GALNT13: variants seen among roughly 807,000 people sequenced by gnomAD.
GALNT13 encodes the protein polypeptide N-acetylgalactosaminyltransferase 13.
In GALNT13, 28 loss-of-function variants were observed where a neutral mutation model predicts 64.2. The ratio of observed to expected loss-of-function variants is 0.44; its 90% confidence interval spans 0.32 to 0.60. The LOEUF is 0.60. Among genes scored for constraint, GALNT13 ranks in the 20% least tolerant of loss-of-function variants. GALNT13 has a pLI of 0.05. For missense variants in GALNT13, 577 were observed against 669.8 expected, an observed-to-expected ratio of 0.86 and a Z score of 1.53; for synonymous variants, 214 against 224.6, an observed-to-expected ratio of 0.95 and a Z score of 0.42.
At chr2:154,228,159 T>C (rs1688726090) in intron 4 of GALNT13, among the ~76,000 whole-genome samples, 1 of 152,118 alleles carries the variant, frequency 6.6e-6, no homozygotes, top group South Asian at 2.1e-4. Context: ...AAGAACAGTT[T>C]TTATATTTCA....
the GALNT13 span, among the ~76,000 whole-genome samples, chr2:153,456,576 A>G: frequency 6.6e-6 from 1 of 152,190 alleles, no homozygotes; most frequent in South Asian, 2.1e-4. Context: ...CTTCAGAAGA[A>G]CACCTAGTAC....
chr2:153,889,887 G>A (rs555897348), intron 1 of GALNT13, among the ~76,000 whole-genome samples: 54 of 151,952 alleles, frequency 3.6e-4, no homozygotes, highest in Non-Finnish European at 7.9e-4. Context: ...CATGCTCATG[G>A]CATGCAATTA....
chr2:153,127,510 A>G, the GALNT13 span, among the ~76,000 whole-genome samples: 1 of 150,822 alleles, frequency 6.6e-6, no homozygotes, highest in Non-Finnish European at 1.5e-5. Flanking sequence ...ATTCATGGAC[A>G]TCTTGATACC....
chr2:153,612,997 T>C, the GALNT13 span, among the ~76,000 whole-genome samples: 1 of 152,098 alleles, frequency 6.6e-6, no homozygotes, highest in African/African-American at 2.4e-5. Context: ...GGCCTCACTT[T>C]GTTAAGCTGC....
the GALNT13 span, among the ~76,000 whole-genome samples, chr2:153,097,405 G>A: frequency 6.6e-6 from 1 of 152,216 alleles, no homozygotes; most frequent in Middle Eastern, 3.4e-3. Context: ...TGGGATGATT[G>A]ATGGAGCTTT....
chr2:153,791,838 T>G, the GALNT13 span, among the ~76,000 whole-genome samples: 1 of 152,060 alleles, frequency 6.6e-6, no homozygotes, highest in Non-Finnish European at 1.5e-5. Flanking sequence ...AAACCAAATA[T>G]CACATGTTCT....
the GALNT13 span, among the ~76,000 whole-genome samples, chr2:153,154,411 T>C: frequency 6.6e-6 from 1 of 152,142 alleles, no homozygotes; most frequent in African/African-American, 2.4e-5. Context: ...TCTTTATAAA[T>C]TACTCAGTCT....
At chr2:153,261,805 T>C in the GALNT13 span, among the ~76,000 whole-genome samples, 1 of 151,936 alleles carries the variant, frequency 6.6e-6, no homozygotes, top group Non-Finnish European at 1.5e-5. Context: ...GCCTCCCTTT[T>C]CCTCAAGCAG....
chr2:153,211,423 G>T, the GALNT13 span, among the ~76,000 whole-genome samples: 2 of 152,166 alleles, frequency 1.3e-5, no homozygotes, highest in Admixed American at 6.5e-5. Context: ...GATTACAGGT[G>T]TGAGCCACCG....
the GALNT13 span, among the ~76,000 whole-genome samples, chr2:153,637,163 T>G: frequency 6.6e-6 from 1 of 152,140 alleles, no homozygotes; most frequent in African/African-American, 2.4e-5. Flanking sequence ...ATAATATATC[T>G]CTGGTCATAT....
chr2:153,499,335 A>G, the GALNT13 span, among the ~76,000 whole-genome samples: 1 of 152,112 alleles, frequency 6.6e-6, no homozygotes. Flanking sequence ...TGGGATTTTT[A>G]TGGGCTTAGA....
chr2:153,099,250 T>G, the GALNT13 span, among the ~76,000 whole-genome samples: 1 of 152,200 alleles, frequency 6.6e-6, no homozygotes, highest in South Asian at 2.1e-4. Flanking sequence ...TTGTGACAAG[T>G]GATCACGTTG....
chr2:153,884,242 G>A (rs552541613), intron 1 of GALNT13, among the ~76,000 whole-genome samples: 4 of 151,786 alleles, frequency 2.6e-5, no homozygotes, highest in Non-Finnish European at 5.9e-5. Flanking sequence ...AAACTACTTT[G>A]AGTTTGCTTG....
the GALNT13 span, among the ~76,000 whole-genome samples, chr2:153,403,803 C>T: frequency 8.5e-5 from 13 of 152,276 alleles, no homozygotes; most frequent in African/African-American, 3.1e-4. Context: ...ACGGTGTGCT[C>T]ACCCACTGAC....
the GALNT13 span, among the ~76,000 whole-genome samples, chr2:153,193,167 T>C: frequency 4.6e-5 from 7 of 151,930 alleles, no homozygotes; most frequent in Non-Finnish European, 1.0e-4. Context: ...TATTGCGGCA[T>C]TATTCACAAT....
the GALNT13 span, among the ~76,000 whole-genome samples, chr2:153,289,317 T>C: frequency 2.0e-4 from 31 of 152,208 alleles, no homozygotes; most frequent in Admixed American, 2.6e-4. Flanking sequence ...TCACTAATGA[T>C]AGAAAAATTA....
the GALNT13 span, among the ~76,000 whole-genome samples, chr2:153,336,590 T>C: frequency 6.6e-6 from 1 of 152,236 alleles, no homozygotes; most frequent in Non-Finnish European, 1.5e-5. Context: ...GTACTCTTAT[T>C]GTATCTAGGA....
the GALNT13 span, among the ~76,000 whole-genome samples, chr2:153,819,597 T>C: frequency 6.6e-6 from 1 of 152,174 alleles, no homozygotes; most frequent in South Asian, 2.1e-4. Context: ...GGAACAACAC[T>C]GTCCAGCCCT....
intron 1 of GALNT13, among the ~76,000 whole-genome samples, chr2:153,882,121 A>T (rs1159445064): frequency 6.6e-6 from 1 of 151,826 alleles, no homozygotes; most frequent in African/African-American, 2.4e-5. Flanking sequence ...TAAAAGTTAT[A>T]AAACTATTAC....
Sources: gnomAD v4.1 joint callset for allele counts (sites outside exome capture counted in the v4.1 genomes callset) on GRCh38, gnomAD v4.1.1 for gene constraint, MANE v1.5 for transcripts, NCBI Gene and HGNC (gene_info 2026-07-23, HGNC 2026-07-21) for gene names.